Variants in UBL3 observed in about 807,000 individuals in gnomAD.
UBL3 encodes ubiquitin like 3.
In UBL3, 6 loss-of-function variants were observed where a neutral mutation model predicts 18.4. The observed-to-expected ratio is 0.33, with a 90% confidence interval of 0.18 to 0.64. The LOEUF is 0.64. UBL3 is among the 30% of genes least tolerant of loss of function. The probability of loss-of-function intolerance (pLI) is 0.76; values close to 1 mark genes in which losing one functional copy is unlikely to be tolerated. For missense variants in UBL3, 109 were observed against 142.9 expected (o/e 0.76, Z 1.21); for synonymous variants, 49 against 46.6 (o/e 1.05, Z -0.21).
At chr13:29,835,107 A>T (rs7328834) in intron 1 of UBL3, among the ~76,000 whole-genome samples, 2,730 of 22,458 alleles carry the variant, frequency 0.12, 85 homozygotes, top group African/African-American at 0.16. Context: ...TATATATATA[A>T]ATATATATAT....
intron 1 of UBL3, among the ~76,000 whole-genome samples, chr13:29,827,582 T>C (rs922862913): frequency 4.6e-5 from 7 of 152,202 alleles, no homozygotes; most frequent in African/African-American, 1.7e-4. Flanking sequence ...TCTCTGCACA[T>C]GAGATGGGTT....
chr13:29,764,679 T>C lies in UBL3; in HGVS notation c.*2576A>G, dbSNP rs760471072. ...AAAAGCTTGGCCTTGTCCAGAACACTTAACAAAGTTCAGGACAATTTAGGT... is the reference window on the plus strand; with the variant it reads ...AAAAGCTTGGCCTTGTCCAGAACACCTAACAAAGTTCAGGACAATTTAGGT... On this transcript the variant is annotated 3_prime_UTR_variant, in exon 5 of 5. Coordinates refer to ENST00000380680, the MANE Select transcript of UBL3 (RefSeq NM_007106.4). 8 of 152,184 alleles carry C rather than the reference T, an allele frequency of 5.3e-5. No homozygotes were observed. Among genetic ancestry groups the C allele is most frequent in the Non-Finnish European group, 1.0e-4 (7 of 68,036 alleles). 9.4% of individuals were successfully genotyped at this position (152,184 alleles called of 1,614,324 possible). A position where few individuals can be genotyped will look rare whatever the true frequency, so the allele number is the denominator to read the frequency against.
chr13:29,823,304 G>A (rs573779767), intron 1 of UBL3, among the ~76,000 whole-genome samples: 18 of 152,152 alleles, frequency 1.2e-4, no homozygotes, highest in Admixed American at 9.8e-4. Context: ...CACCACGCCC[G>A]GCTAATTTTG....
At chr13:29,844,876 A>G (rs1386174996) in intron 1 of UBL3, among the ~76,000 whole-genome samples, 1 of 152,142 alleles carries the variant, frequency 6.6e-6, no homozygotes, top group East Asian at 1.9e-4. Context: ...TCATATTCCA[A>G]GTGATAACAG....
rs544748168 is a variant in UBL3 at position 29,846,992 on chromosome 13, G to A, written c.27+2520C>T. On this transcript the variant is annotated intron_variant, in intron 1 of 4. Coordinates refer to ENST00000380680, the MANE Select transcript of UBL3 (RefSeq NM_007106.4). ...TGAGAGGAGCTCTTCAAGGTTTGGA[G>A]CGGTAAATTGTTGTCATGAATGTAA... 2.6e-5 allele frequency among the ~76,000 whole-genome samples: 4 copies of A among 152,302 alleles called. No individual in the cohort carries two copies. In the South Asian group the frequency reaches 8.3e-4, roughly 32 times the overall value.
intron 1 of UBL3, among the ~76,000 whole-genome samples, chr13:29,813,040 G>A (rs916720101): frequency 1.3e-5 from 2 of 151,896 alleles, no homozygotes; most frequent in African/African-American, 2.4e-5. Context: ...TAAGAGTTAC[G>A]TCATTAAAAA....
At chr13:29,816,445 A>G (rs914221032) in intron 1 of UBL3, among the ~76,000 whole-genome samples, 3 of 152,166 alleles carry the variant, frequency 2.0e-5, no homozygotes, top group Non-Finnish European at 4.4e-5. Flanking sequence ...TACCTAAAAT[A>G]ATAGCAAATG....
intron 1 of UBL3, among the ~76,000 whole-genome samples, chr13:29,793,561 A>G (rs1877535349): frequency 6.6e-6 from 1 of 152,184 alleles, no homozygotes; most frequent in African/African-American, 2.4e-5. Context: ...TATTACTTTA[A>G]TATTCTAAAT....
At chr13:29,789,758 A>G (rs1877434016) in intron 1 of UBL3, among the ~76,000 whole-genome samples, 1 of 152,256 alleles carries the variant, frequency 6.6e-6, no homozygotes, top group South Asian at 2.1e-4. Context: ...CTTGTAATGG[A>G]AAGTCAGTCA....
chr13:29,782,963 C>T (rs1877217401), intron 1 of UBL3, among the ~76,000 whole-genome samples: 1 of 152,204 alleles, frequency 6.6e-6, no homozygotes, highest in Non-Finnish European at 1.5e-5. Flanking sequence ...GTAGTAGGTG[C>T]TCAGCCAGTA....
intron 3 of UBL3, among the ~76,000 whole-genome samples, chr13:29,769,988 C>A (rs1448803348): frequency 6.6e-6 from 1 of 152,032 alleles, no homozygotes; most frequent in African/African-American, 2.4e-5. Flanking sequence ...CCCTGGCAGT[C>A]TATTCTTTCT....
intron 1 of UBL3, chr13:29,777,553 C>T: frequency 2.1e-6 from 1 of 472,202 alleles, no homozygotes; most frequent in South Asian, 1.8e-5. Context: ...CAACAATGTT[C>T]AGAATTGAAC....
intron 1 of UBL3, among the ~76,000 whole-genome samples, chr13:29,843,439 G>T (rs1336962736): frequency 6.6e-6 from 1 of 151,732 alleles, no homozygotes; most frequent in East Asian, 1.9e-4. Flanking sequence ...TTCTTCTTTT[G>T]TGAAGTTCAA....
At chr13:29,818,836 A>G (rs894841160) in intron 1 of UBL3, among the ~76,000 whole-genome samples, 2 of 152,200 alleles carry the variant, frequency 1.3e-5, no homozygotes, top group Admixed American at 6.5e-5. Context: ...GACAAAAACC[A>G]CTTTAACACT....
At chr13:29,780,297 T>A (rs1308385215) in intron 1 of UBL3, among the ~76,000 whole-genome samples, 1 of 137,352 alleles carries the variant, frequency 7.3e-6, no homozygotes, top group African/African-American at 2.8e-5. Context: ...GAGCTTGCAG[T>A]GAGCCAAGAT....
At position 29,767,204 on chromosome 13, in the gene UBL3, C is replaced by T; in HGVS notation, c.*51G>A. Reference sequence around the variant, plus strand: ...AAGCAATGTCGGGTCTTTTCTGTCCCAGCAGCATGAAAGACAAAGACTATA... The same window carrying T: ...AAGCAATGTCGGGTCTTTTCTGTCCTAGCAGCATGAAAGACAAAGACTATA... On this transcript the variant is annotated 3_prime_UTR_variant, in exon 5 of 5. Transcript: ENST00000380680. 2.5e-6 allele frequency: 4 copies of T among 1,604,150 alleles called. No homozygotes were observed. Among genetic ancestry groups the T allele is most frequent in the Non-Finnish European group, 3.4e-6 (4 of 1,173,636 alleles).
chr13:29,842,349 G>A (rs1235722651), intron 1 of UBL3, among the ~76,000 whole-genome samples: 1 of 151,970 alleles, frequency 6.6e-6, no homozygotes, highest in Non-Finnish European at 1.5e-5. Flanking sequence ...GTAGAGATGG[G>A]GGTTTCACCA....
chr13:29,776,974 G>C (rs1266085902), intron 2 of UBL3, among the ~76,000 whole-genome samples, 181 bp downstream of exon 2: 1 of 151,456 alleles, frequency 6.6e-6, no homozygotes, highest in Non-Finnish European at 1.5e-5. Context: ...TTTACCATTT[G>C]GGAATGAGAC....
At chr13:29,787,937 A>C (rs891698108) in intron 1 of UBL3, among the ~76,000 whole-genome samples, 8 of 152,178 alleles carry the variant, frequency 5.3e-5, no homozygotes, top group African/African-American at 1.9e-4. Context: ...ATGGAGTTTC[A>C]TGTATTTCAG....
Sources: gnomAD v4.1 joint callset for allele counts (sites outside exome capture counted in the v4.1 genomes callset) on GRCh38, gnomAD v4.1.1 for gene constraint, MANE v1.5 for transcripts, NCBI Gene and HGNC (gene_info 2026-07-23, HGNC 2026-07-21) for gene names.